MIA2: variants seen among roughly 807,000 people sequenced by gnomAD.
MIA2 encodes melanoma inhibitory activity protein 2.
In MIA2, 127 loss-of-function variants were observed where a neutral mutation model predicts 167.8. The observed-to-expected ratio is 0.76, with a 90% confidence interval of 0.66 to 0.88. MIA2 has a LOEUF of 0.88. Ranked by LOEUF, MIA2 falls within the 40% of genes least tolerant of loss-of-function variation. MIA2 has a pLI of 0.00. For synonymous variants in MIA2, 552 were observed against 541.9 expected, an observed-to-expected ratio of 1.02 and a Z score of -0.26; for missense variants, 1,690 against 1,624.7, an observed-to-expected ratio of 1.04 and a Z score of -0.69.
intron 23 of MIA2, among the ~76,000 whole-genome samples, chr14:39,357,593 T>G (rs529581164): frequency 4.6e-5 from 7 of 152,308 alleles, no homozygotes; most frequent in African/African-American, 1.4e-4. Flanking sequence ...GACCCTGTCA[T>G]TATGATGTTA....
At chr14:39,275,775 G>A (rs1295603061) in intron 6 of MIA2, among the ~76,000 whole-genome samples, 1 of 152,122 alleles carries the variant, frequency 6.6e-6, no homozygotes, top group Admixed American at 6.5e-5. Flanking sequence ...TGCTTGTAAT[G>A]ATATTAGATT....
intron 6 of MIA2, chr14:39,267,170 G>A (rs2055910830): frequency 8.4e-7 from 1 of 1,185,740 alleles, no homozygotes; most frequent in Non-Finnish European, 1.0e-6. Context: ...CAAACCGAGG[G>A]GTGGGGTGGC....
intron 9 of MIA2, among the ~76,000 whole-genome samples, chr14:39,286,500 T>C (rs1285712569): frequency 6.6e-6 from 1 of 152,194 alleles, no homozygotes; most frequent in Non-Finnish European, 1.5e-5. Flanking sequence ...TAGGTCGTTA[T>C]TTGTGTATAG....
intron 15 of MIA2, among the ~76,000 whole-genome samples, chr14:39,303,151 T>A (rs2062801482): frequency 6.6e-6 from 1 of 152,178 alleles, no homozygotes; most frequent in Non-Finnish European, 1.5e-5. Context: ...GGGTTATAAT[T>A]TTACTCATAT....
At chr14:39,322,278 C>T (rs528241701) in intron 24 of MIA2, among the ~76,000 whole-genome samples, 154 of 152,230 alleles carry the variant, frequency 1.0e-3, no homozygotes, top group African/African-American at 3.5e-3. Flanking sequence ...CGTGGTGGCT[C>T]ATGCCTGTAA....
Position 39,318,043 on chromosome 14 carries a change from G to A in MIA2, c.3284+32G>A. On this transcript the variant is annotated intron_variant, in intron 22 of 28. Transcript: ENST00000640607. ...ATCTTAGTGGGAACATTTAAAATTA[G>A]TTATTCTGTTATTTCGTTAATTAGG... The A allele has an allele frequency of 1.4e-6, 2 of 1,457,904 alleles. 1 individual carries two copies. Among genetic ancestry groups the A allele is most frequent in the Middle Eastern group, 3.5e-4 (2 of 5,744 alleles). 90.3% of individuals were successfully genotyped at this position (1,457,904 alleles called of 1,614,324 possible). A position where few individuals can be genotyped will look rare whatever the true frequency, so the allele number is the denominator to read the frequency against.
At chr14:39,385,485 G>T in intron 23 of MIA2, 1 of 940,874 alleles carries the variant, frequency 1.1e-6, no homozygotes, top group Non-Finnish European at 1.8e-6. Flanking sequence ...CAGTGATCTT[G>T]CTCTCCTGTG....
intron 23 of MIA2, among the ~76,000 whole-genome samples, chr14:39,377,182 T>G (rs1297823679): frequency 1.3e-5 from 2 of 151,982 alleles, no homozygotes; most frequent in Non-Finnish European, 2.9e-5. Context: ...GGAAGCTAAT[T>G]TTTTGGCAGG....
At chr14:39,363,522 C>T (rs575310757) in intron 23 of MIA2, among the ~76,000 whole-genome samples, 1 of 152,278 alleles carries the variant, frequency 6.6e-6, no homozygotes, top group East Asian at 1.9e-4. Flanking sequence ...CAGCGAGACC[C>T]TGTCTCAAAT....
At chr14:39,235,922 G>T (rs1199396141) in intron 1 of MIA2, among the ~76,000 whole-genome samples, 1 of 151,930 alleles carries the variant, frequency 6.6e-6, no homozygotes, top group Non-Finnish European at 1.5e-5. Context: ...AACTTTAATT[G>T]CATGACAATA....
intron 9 of MIA2, among the ~76,000 whole-genome samples, chr14:39,286,881 G>C (rs1477030944): frequency 6.9e-6 from 1 of 145,646 alleles, no homozygotes; most frequent in Non-Finnish European, 1.5e-5. Context: ...GTGTGTGTGT[G>C]TGTGTGTGTG....
chr14:39,385,639 G>A, intron 23 of MIA2: 1 of 846,602 alleles, frequency 1.2e-6, no homozygotes, highest in Non-Finnish European at 2.1e-6. Context: ...TATTCTTCTG[G>A]ATGTTAGTTC....
intron 6 of MIA2, chr14:39,267,458 C>T: frequency 6.2e-7 from 1 of 1,612,680 alleles, no homozygotes; most frequent in Non-Finnish European, 8.5e-7. Context: ...AGCTTTGGCG[C>T]TATGGAGGAG....
chr14:39,239,029 G>C (rs1167910057), intron 2 of MIA2, among the ~76,000 whole-genome samples: 2 of 152,094 alleles, frequency 1.3e-5, no homozygotes, highest in African/African-American at 4.8e-5. Flanking sequence ...AGCTGAACAA[G>C]CATGGTCGAC....
chr14:39,360,000 T>G (rs71406506), intron 23 of MIA2, among the ~76,000 whole-genome samples: 45,434 of 149,722 alleles, frequency 0.3, 7,285 homozygotes, highest in East Asian at 0.5. Context: ...ATGTTTTTTT[T>G]TTTTTTTTTT....
intron 23 of MIA2, among the ~76,000 whole-genome samples, chr14:39,380,227 TATCTC>T (rs1595965419): frequency 6.6e-6 from 1 of 152,352 alleles, no homozygotes; most frequent in East Asian, 1.9e-4. Flanking sequence ...AGCAACTTAT[TATCTC>T]AGGTCTTCTC....
intron 23 of MIA2, chr14:39,386,595 GCTTT>G (rs1449926699): frequency 1.9e-6 from 2 of 1,067,100 alleles, no homozygotes; most frequent in East Asian, 2.4e-5. Context: ...GCCACAGTGG[GCTTT>G]CTTTTTTCTT....
chr14:39,264,502 A>G (rs575784525), intron 6 of MIA2, among the ~76,000 whole-genome samples: 3 of 152,214 alleles, frequency 2.0e-5, no homozygotes, highest in South Asian at 4.1e-4. Context: ...TATTTTTAAC[A>G]CTACTTTTTT....
intron 18 of MIA2, among the ~76,000 whole-genome samples, chr14:39,311,763 T>A (rs2064325406): frequency 1.3e-5 from 2 of 151,282 alleles, no homozygotes; most frequent in Non-Finnish European, 2.9e-5. Context: ...GTGTGGGGAT[T>A]ATAGGCATGA....
Sources: gnomAD v4.1 joint callset for allele counts (sites outside exome capture counted in the v4.1 genomes callset) on GRCh38, gnomAD v4.1.1 for gene constraint, MANE v1.5 for transcripts, NCBI Gene and HGNC (gene_info 2026-07-23, HGNC 2026-07-21) for gene names.